Variants in AKAP19 observed in about 807,000 individuals in gnomAD.
The protein encoded by AKAP19 is A-kinase anchoring protein 19.
chr2:190,186,288 G>A, the AKAP19 span, among the ~76,000 whole-genome samples: 2 of 152,150 alleles, frequency 1.3e-5, no homozygotes, highest in African/African-American at 2.4e-5. This position sits in a 1 kb window ranked among gnomAD's most constrained non-coding sequence, Gnocchi z 5.5. Flanking sequence ...GTAGAGCCCA[G>A]TTCACAGATA....
chr2:189,958,085 C>T, the AKAP19 span, among the ~76,000 whole-genome samples: 5,157 of 152,084 alleles, frequency 0.034, 274 homozygotes, highest in African/African-American at 0.11. Flanking sequence ...TGAGCCATTG[C>T]GCCAAGATAT....
At chr2:190,198,247 A>G in the AKAP19 span, among the ~76,000 whole-genome samples, 6 of 152,152 alleles carry the variant, frequency 3.9e-5, no homozygotes, top group Non-Finnish European at 8.8e-5. Flanking sequence ...TTATAGAATA[A>G]TATATGGTGG....
At chr2:189,931,305 A>G in the AKAP19 span, among the ~76,000 whole-genome samples, 1 of 152,124 alleles carries the variant, frequency 6.6e-6, no homozygotes, top group Non-Finnish European at 1.5e-5. Flanking sequence ...TTACACAATC[A>G]TAATATAATA....
At chr2:190,049,404 T>A in the AKAP19 span, among the ~76,000 whole-genome samples, 1 of 152,218 alleles carries the variant, frequency 6.6e-6, no homozygotes, top group Non-Finnish European at 1.5e-5. Context: ...GGAAAATAGG[T>A]AATCTCATAC....
chr2:189,895,503 C>T, the AKAP19 span, among the ~76,000 whole-genome samples: 1 of 152,044 alleles, frequency 6.6e-6, no homozygotes, highest in Non-Finnish European at 1.5e-5. Flanking sequence ...GGAGCCTAAC[C>T]CAGAAGGCAA....
the AKAP19 span, among the ~76,000 whole-genome samples, chr2:190,139,660 A>G: frequency 1.3e-5 from 2 of 152,118 alleles, no homozygotes; most frequent in Admixed American, 6.5e-5. Context: ...AGAACTCACT[A>G]TCACAAAAAC....
chr2:190,016,488 G>A, the AKAP19 span, among the ~76,000 whole-genome samples: 1 of 152,198 alleles, frequency 6.6e-6, no homozygotes, highest in South Asian at 2.1e-4. Context: ...CTCAACATGT[G>A]GGGATTACGG....
chr2:190,187,430 G>C, the AKAP19 span, among the ~76,000 whole-genome samples: 1 of 125,354 alleles, frequency 8.0e-6, no homozygotes, highest in Non-Finnish European at 1.6e-5. Flanking sequence ...TTTTTTTGCT[G>C]GTTTTGTGTT....
the AKAP19 span, among the ~76,000 whole-genome samples, chr2:189,975,437 G>A: frequency 7.4e-4 from 113 of 152,178 alleles, no homozygotes; most frequent in Non-Finnish European, 1.2e-3. Context: ...TTCAACTTTG[G>A]TGAATCTGAC....
At chr2:190,100,396 G>A in the AKAP19 span, among the ~76,000 whole-genome samples, 1 of 152,184 alleles carries the variant, frequency 6.6e-6, no homozygotes, top group Admixed American at 6.5e-5. Flanking sequence ...TTTCAGACCT[G>A]CTCCTTCTGT....
At chr2:190,140,892 G>A in the AKAP19 span, among the ~76,000 whole-genome samples, 8 of 152,006 alleles carry the variant, frequency 5.3e-5, no homozygotes, top group East Asian at 5.8e-4. Flanking sequence ...TTTTCCAAAC[G>A]TTTGTGTTCT....
chr2:190,182,964 C>T, the AKAP19 span, among the ~76,000 whole-genome samples: 2 of 152,200 alleles, frequency 1.3e-5, no homozygotes, highest in Admixed American at 1.3e-4. Flanking sequence ...TTATGTCATT[C>T]ATCATGTTAA....
the AKAP19 span, among the ~76,000 whole-genome samples, chr2:190,034,149 C>T: frequency 6.6e-6 from 1 of 151,488 alleles, no homozygotes; most frequent in Non-Finnish European, 1.5e-5. Context: ...GTGTGTTTAA[C>T]ATGTAGTAAA....
At chr2:189,927,507 G>A in the AKAP19 span, among the ~76,000 whole-genome samples, 1 of 152,192 alleles carries the variant, frequency 6.6e-6, no homozygotes, top group African/African-American at 2.4e-5. Context: ...GATAATGGTA[G>A]ACTTACAAAA....
At chr2:190,091,915 AATTAAT>A in the AKAP19 span, among the ~76,000 whole-genome samples, 1 of 152,162 alleles carries the variant, frequency 6.6e-6, no homozygotes, top group Non-Finnish European at 1.5e-5. Flanking sequence ...ATTCAGGAGT[AATTAAT>A]ATTAATATTT....
chr2:190,013,217 T>G, the AKAP19 span, among the ~76,000 whole-genome samples: 411 of 152,314 alleles, frequency 2.7e-3, 2 homozygotes, highest in South Asian at 3.9e-3. Context: ...TTGGTAGAAT[T>G]CATCCATGAA....
chr2:190,142,346 T>C, the AKAP19 span, among the ~76,000 whole-genome samples: 1 of 152,242 alleles, frequency 6.6e-6, no homozygotes, highest in East Asian at 1.9e-4. Flanking sequence ...AAAAGATCTC[T>C]GAGGACAGTG....
chr2:190,053,556 T>G, the AKAP19 span, among the ~76,000 whole-genome samples: 1 of 152,172 alleles, frequency 6.6e-6, no homozygotes, highest in Non-Finnish European at 1.5e-5. Flanking sequence ...TAGTATAGTT[T>G]GCTTTGATAC....
the AKAP19 span, among the ~76,000 whole-genome samples, chr2:190,134,028 A>T: frequency 6.6e-6 from 1 of 152,232 alleles, no homozygotes; most frequent in African/African-American, 2.4e-5. Flanking sequence ...TATGTTAATT[A>T]GCTTACTTTA....
Sources: gnomAD v4.1 joint callset for allele counts (sites outside exome capture counted in the v4.1 genomes callset) on GRCh38, gnomAD v4.1.1 for gene constraint, Gnocchi (gnomAD v3.1) non-coding constraint, MANE v1.5 for transcripts, NCBI Gene and HGNC (gene_info 2026-07-23, HGNC 2026-07-21) for gene names.